The following CNR1 variants were observed in gnomAD, a reference collection of about 807,000 sequenced individuals.
CNR1 encodes the protein cannabinoid receptor 1.
A neutral mutation model predicts 23.0 loss-of-function variants in CNR1; 10 were observed. That is an observed-to-expected ratio of 0.43 (90% CI 0.27 to 0.74). The LOEUF is 0.74. Among genes scored for constraint, CNR1 ranks in the 30% least tolerant of loss-of-function variants. The probability of loss-of-function intolerance (pLI) is 0.19; values close to 1 mark genes in which losing one functional copy is unlikely to be tolerated. For synonymous variants in CNR1, 271 were observed against 255.2 expected (o/e 1.06, Z -0.59); for missense variants, 422 against 618.8 (o/e 0.68, Z 3.37).
Position 88,142,475 on chromosome 6 carries a change from A to G in CNR1, c.*1381T>C, listed in dbSNP as rs929271425. The G allele has an allele frequency of 1.3e-5, 2 of 152,382 alleles. No homozygotes were observed. The highest frequency in any genetic ancestry group is 6.5e-5 in the Admixed American group (1 of 15,282). The allele number at this position is 152,382 out of a possible 1,614,324, so 9.4% of individuals were successfully genotyped here. A position where few individuals can be genotyped will look rare whatever the true frequency, so the allele number is the denominator to read the frequency against. ...ACTCTCCTTTCCTGGCAATAACACT[A>G]CAAATACATCCCTTCCTTGGATGCC... On this transcript the variant is annotated 3_prime_UTR_variant, in exon 2 of 2. Coordinates refer to ENST00000369501, the MANE Select transcript of CNR1 (RefSeq NM_016083.6).
chr6:88,157,293 C>G (rs16880287), intron 1 of CNR1, among the ~76,000 whole-genome samples: 2,068 of 152,234 alleles, frequency 0.014, 54 homozygotes, highest in African/African-American at 0.046. Context: ...CAAGAGAAGT[C>G]ACGTGAAAAT....
rs1184095882 is a variant in CNR1 at position 88,145,309 on chromosome 6, A to C, written c.-35T>G. ...CTTTGATTAGGCTGAGCTCAAAATG[A>C]CTGAGAAAGTGACCCACAGGGGGCA... On this transcript the variant is annotated 5_prime_UTR_variant, in exon 2 of 2. Transcript: ENST00000369501. The C allele has an allele frequency of 6.4e-7, 1 of 1,552,364 alleles. No homozygotes were observed. Among genetic ancestry groups the C allele is most frequent in the Non-Finnish European group, 8.8e-7 (1 of 1,141,598 alleles).
intron 1 of CNR1, among the ~76,000 whole-genome samples, chr6:88,162,218 C>T (rs1778147155): frequency 6.6e-6 from 1 of 152,006 alleles, no homozygotes. Flanking sequence ...CGGACATTTC[C>T]CCAAATTTGT....
At chr6:88,160,732 G>A (rs1250217887) in intron 1 of CNR1, among the ~76,000 whole-genome samples, 2 of 152,126 alleles carry the variant, frequency 1.3e-5, no homozygotes, top group Non-Finnish European at 2.9e-5. Flanking sequence ...ACCGCGCCTG[G>A]ACTAGAATTT....
chr6:88,147,416 A>T (rs1218337832), intron 1 of CNR1, among the ~76,000 whole-genome samples: 1 of 152,248 alleles, frequency 6.6e-6, no homozygotes, highest in African/African-American at 2.4e-5. Context: ...GGGGACGTAC[A>T]GGATGCTCTG....
rs537805734 is a variant in CNR1 at position 88,144,651 on chromosome 6, G to A, written c.624C>T (p.Phe208=). 15 of 1,614,120 alleles carry A rather than the reference G, an allele frequency of 9.3e-6. 1 individual carries two copies. Among genetic ancestry groups the A allele is most frequent in the African/African-American group, 4.0e-5 (3 of 74,946 alleles). Residue 208 remains phenylalanine, a synonymous_variant, in exon 2 of 2, where the codon TTC becomes TTT. Coordinates refer to ENST00000369501, the MANE Select transcript of CNR1 (RefSeq NM_016083.6). This position sits in a 1 kb window ranked among gnomAD's most constrained non-coding sequence, Gnocchi z 7.8. The part of the protein sequence containing the change: ...ASFTASVGSL[F]LTAIDRYISI... ...ATATGTACCTGTCGATGGCTGTGAGGAACAGGCTGCCCACGGAGGCAGTGA... is the reference window on the plus strand; with the variant it reads ...ATATGTACCTGTCGATGGCTGTGAGAAACAGGCTGCCCACGGAGGCAGTGA...
chr6:88,148,127 A>G (rs1369244214), intron 1 of CNR1, among the ~76,000 whole-genome samples: 1 of 152,176 alleles, frequency 6.6e-6, no homozygotes, highest in African/African-American at 2.4e-5. Context: ...AAACACAGCA[A>G]ATTGACTGCT....
At chr6:88,149,713 A>C (rs1005969912) in intron 1 of CNR1, among the ~76,000 whole-genome samples, 1 of 152,046 alleles carries the variant, frequency 6.6e-6, no homozygotes, top group Non-Finnish European at 1.5e-5. Flanking sequence ...TGCCTACTAA[A>C]CTTATCTTTC....
At chr6:88,167,284 G>C (rs1304847170), upstream of CNR1, among the ~76,000 whole-genome samples, 1 of 152,190 alleles carries the variant, frequency 6.6e-6, no homozygotes, top group Non-Finnish European at 1.5e-5. Context: ...GCCGCGGTGT[G>C]CTCAGCAGCC....
Position 88,144,961 on chromosome 6 carries a change from A to G in CNR1, c.314T>C (p.Ile105Thr). 6.2e-7 allele frequency: 1 copy of G among 1,614,132 alleles called. No individual in the cohort carries two copies. The highest frequency in any genetic ancestry group is 8.5e-7 in the Non-Finnish European group (1 of 1,179,992). Reference sequence around the variant, plus strand: ...GGGGTTCAGGACCATGAAACACTCTATGTCCATGAAGTTCTCCCCACACTG... The same window carrying G: ...GGGGTTCAGGACCATGAAACACTCTGTGTCCATGAAGTTCTCCCCACACTG... ...NIQCGENFMDIECFMVLNPSQ... is the reference protein window; with the variant it reads ...NIQCGENFMDTECFMVLNPSQ... The change falls in exon 2 of 2, where the codon ATA becomes ACA. Residue 105 changes from isoleucine to threonine, a missense_variant. This residue lies in a region of CNR1 where 211 missense variants were observed against 357.3 expected (regional missense o/e 0.59). Coordinates refer to ENST00000369501, the MANE Select transcript of CNR1 (RefSeq NM_016083.6). The surrounding 1 kb of genome is among the most constrained non-coding windows in gnomAD (Gnocchi z 7.8).
chr6:88,163,453 AG>A (rs1778208823), intron 1 of CNR1, among the ~76,000 whole-genome samples: 1 of 152,388 alleles, frequency 6.6e-6, no homozygotes, highest in South Asian at 2.1e-4. Flanking sequence ...ATTCTTACAT[AG>A]CAAAGTATTT....
intron 1 of CNR1, among the ~76,000 whole-genome samples, chr6:88,145,578 C>A (rs952727019): frequency 3.9e-5 from 6 of 152,194 alleles, no homozygotes; most frequent in Non-Finnish European, 7.3e-5. Context: ...ATTATTTAAA[C>A]CCTCTGTATT....
chr6:88,158,104 G>A (rs1445786494), intron 1 of CNR1, among the ~76,000 whole-genome samples: 1 of 152,186 alleles, frequency 6.6e-6, no homozygotes, highest in Non-Finnish European at 1.5e-5. Context: ...AGAAAAATAT[G>A]CTTTCAAGAT....
At chr6:88,154,824 C>G (rs936937995) in intron 1 of CNR1, among the ~76,000 whole-genome samples, 3 of 152,168 alleles carry the variant, frequency 2.0e-5, no homozygotes, top group African/African-American at 7.2e-5. Flanking sequence ...AGTGATCCGC[C>G]CACCTCGGCC....
intron 1 of CNR1, among the ~76,000 whole-genome samples, chr6:88,153,934 G>A (rs1301513407): frequency 6.6e-6 from 1 of 152,198 alleles, no homozygotes; most frequent in East Asian, 1.9e-4. Flanking sequence ...TATTAAAGAA[G>A]CTTGGTCACT....
At chr6:88,146,810 CA>C (rs1777215371) in intron 1 of CNR1, among the ~76,000 whole-genome samples, 1 of 152,122 alleles carries the variant, frequency 6.6e-6, no homozygotes, top group South Asian at 2.1e-4. Flanking sequence ...GGGGGAGAGA[CA>C]ATCACTATTT....
At chr6:88,158,233 A>C (rs1451918535) in intron 1 of CNR1, among the ~76,000 whole-genome samples, 2 of 152,204 alleles carry the variant, frequency 1.3e-5, no homozygotes, top group Non-Finnish European at 2.9e-5. Flanking sequence ...CAAGTGCAGA[A>C]TTTTTATGCC....
upstream of CNR1, among the ~76,000 whole-genome samples, chr6:88,167,179 G>A (rs887073368): frequency 1.7e-4 from 26 of 152,088 alleles, no homozygotes; most frequent in African/African-American, 5.3e-4. Context: ...CCGGGGCCCC[G>A]CTCCTCGCAC....
intron 1 of CNR1, among the ~76,000 whole-genome samples, chr6:88,153,159 T>C (rs1777618136): frequency 6.6e-6 from 1 of 152,220 alleles, no homozygotes; most frequent in Non-Finnish European, 1.5e-5. Flanking sequence ...TATCATCTAT[T>C]CTTTTTGTCT....
Sources: gnomAD v4.1 joint callset for allele counts (sites outside exome capture counted in the v4.1 genomes callset) on GRCh38, gnomAD v4.1.1 for gene constraint, gnomAD v4.1.1 regional missense constraint, Gnocchi (gnomAD v3.1) non-coding constraint, MANE v1.5 for transcripts, NCBI Gene and HGNC (gene_info 2026-07-23, HGNC 2026-07-21) for gene names.